The following CCSER1 variants were observed in gnomAD, a reference collection of about 807,000 sequenced individuals.
CCSER1 encodes the protein serine-rich coiled-coil domain-containing protein 1.
CCSER1 carries 41 observed loss-of-function variants against 82.0 expected under a neutral mutation model. The observed-to-expected ratio is 0.50, with a 90% CI of 0.39 to 0.65. The LOEUF is 0.65. Ranked by LOEUF, CCSER1 falls within the 30% of genes least tolerant of loss-of-function variation. The pLI is 0.00. For synonymous variants in CCSER1, 414 were observed against 383.9 expected, an observed-to-expected ratio of 1.08 and a Z score of -0.92; for missense variants, 1,119 against 1,064.2, an observed-to-expected ratio of 1.05 and a Z score of -0.72.
chr4:90,208,288 C>T (rs2153412157), intron 1 of CCSER1, among the ~76,000 whole-genome samples: 1 of 152,316 alleles, frequency 6.6e-6, no homozygotes, highest in East Asian at 1.9e-4. Context: ...TTCCCAGCAG[C>T]TTTGTTTATG....
Position 91,101,590 on chromosome 4 carries a change from G to A in CCSER1, c.2217+15596G>A, listed in dbSNP as rs187046058. Among the ~76,000 whole-genome samples, 362 of 151,190 alleles carry A rather than the reference G, an allele frequency of 2.4e-3. 2 individuals are homozygous for A. The highest frequency in any genetic ancestry group is 8.5e-3 in the African/African-American group (348 of 41,176). ...GCGGAGGTTGCAGTGAGCTGAGATC[G>A]TGCCACTGCACTCCAGCCTGGGGAC... is the stretch of plus-strand genomic sequence containing the variant. On this transcript the variant is annotated intron_variant, in intron 10 of 10. Transcript: ENST00000509176.
chr4:91,091,897 A>G (rs1467496646), intron 10 of CCSER1, among the ~76,000 whole-genome samples: 1 of 152,162 alleles, frequency 6.6e-6, no homozygotes, highest in African/African-American at 2.4e-5. Context: ...TCATTTACCC[A>G]AGTTGAGATT....
chr4:90,823,426 A>C (rs1403435334), intron 8 of CCSER1, among the ~76,000 whole-genome samples: 1 of 152,152 alleles, frequency 6.6e-6, no homozygotes, highest in Non-Finnish European at 1.5e-5. Context: ...ATCTTAAGTC[A>C]GAACCTTCCA....
intron 4 of CCSER1, among the ~76,000 whole-genome samples, chr4:90,442,187 G>A (rs1419655847): frequency 6.7e-6 from 1 of 149,254 alleles, no homozygotes; most frequent in Non-Finnish European, 1.5e-5. Flanking sequence ...ATTCTTAAGA[G>A]CTAAAATAAA....
intron 1 of CCSER1, among the ~76,000 whole-genome samples, chr4:90,257,602 G>C (rs72877769): frequency 0.045 from 6,806 of 151,710 alleles, 396 homozygotes; most frequent in African/African-American, 0.13. Flanking sequence ...GATAGATAAA[G>C]AAGGAGAGAG....
chr4:90,960,666 A>C (rs1406494906), intron 9 of CCSER1, among the ~76,000 whole-genome samples: 1 of 152,134 alleles, frequency 6.6e-6, no homozygotes, highest in Admixed American at 6.6e-5. Flanking sequence ...TTCGGTATGA[A>C]AGCTACACTT....
chr4:91,232,787 C>A (rs537088073), intron 10 of CCSER1, among the ~76,000 whole-genome samples: 137 of 151,738 alleles, frequency 9.0e-4, no homozygotes, highest in African/African-American at 3.0e-3. Flanking sequence ...TATCTGAGCA[C>A]TTGTCCTTTT....
chr4:90,503,643 A>G (rs1216625001), intron 5 of CCSER1, among the ~76,000 whole-genome samples: 3 of 151,996 alleles, frequency 2.0e-5, no homozygotes, highest in African/African-American at 7.2e-5. Context: ...ATTCCCACCT[A>G]TGAGTGAGAA....
At chr4:90,229,087 C>T (rs1176070074) in intron 1 of CCSER1, among the ~76,000 whole-genome samples, 1 of 152,170 alleles carries the variant, frequency 6.6e-6, no homozygotes, top group Non-Finnish European at 1.5e-5. Flanking sequence ...TCTAGCAAGG[C>T]AGGCCAACAT....
intron 4 of CCSER1, among the ~76,000 whole-genome samples, chr4:90,422,848 A>C (rs951690036): frequency 1.3e-5 from 2 of 151,950 alleles, no homozygotes; most frequent in African/African-American, 2.4e-5. Flanking sequence ...AATATTTTCA[A>C]ACTTTGTCCC....
At position 91,114,013 on chromosome 4, in the gene CCSER1, C is replaced by T. The variant is rs186844206; in HGVS notation, c.2217+28019C>T. On this transcript the variant is annotated intron_variant, in intron 10 of 10. Transcript: ENST00000509176. Reference sequence around the variant, plus strand: ...GACCACAGGCGCCCACTACCACGCCCGGCTAATTTTTTGTATTTTTAGTAG... The same window carrying T: ...GACCACAGGCGCCCACTACCACGCCTGGCTAATTTTTTGTATTTTTAGTAG... Among the ~76,000 whole-genome samples the T allele has an allele frequency of 1.1e-3, 169 of 152,156 alleles. 2 individuals are homozygous for T. Among genetic ancestry groups the T allele is most frequent in the African/African-American group, 3.7e-3 (155 of 41,532 alleles).
In CCSER1 at chr4:91,202,726, C is replaced by T. The variant is rs940482843; in HGVS notation, c.2217+116732C>T. On this transcript the variant is annotated intron_variant, in intron 10 of 10. Transcript: ENST00000509176. ...GAAATTGAGAGTATGTTAAATAATA[C>T]AAACACACACACATATATGCACGTA... Among the ~76,000 whole-genome samples, 4 of 23,752 alleles carry T rather than the reference C, an allele frequency of 1.7e-4. No individual in the cohort carries two copies. The South Asian group carries it at 4.7e-3, about 28-fold the overall frequency. 15.6% of individuals were successfully genotyped at this position (23,752 alleles called of 152,430 possible).
chr4:91,533,748 T>C (rs1761151937), intron 10 of CCSER1, among the ~76,000 whole-genome samples: 1 of 151,936 alleles, frequency 6.6e-6, no homozygotes, highest in Admixed American at 6.6e-5. Context: ...TTAAGCTTCT[T>C]TGTAAGCTCA....
chr4:91,436,640 G>C (rs992157144), intron 10 of CCSER1, among the ~76,000 whole-genome samples: 11 of 152,162 alleles, frequency 7.2e-5, no homozygotes, highest in African/African-American at 2.4e-4. Context: ...ATGAGAAAAT[G>C]AGACTTAGAC....
rs1047135010 is a variant in CCSER1, at chr4:90,673,081, T to TA, written c.1932+44851dup. Among the ~76,000 whole-genome samples, 59 of 151,934 alleles carry TA rather than the reference T, an allele frequency of 3.9e-4. 1 individual carries two copies. The highest frequency in any genetic ancestry group is 1.3e-3 in the African/African-American group (53 of 41,402). On this transcript the variant is annotated intron_variant, in intron 6 of 10. Transcript: ENST00000509176. ...TGACACAGAAACACAAAAGTGAGCA[T>TA]AAGTTATTGGAAAAATGGCCCCAAT...
chr4:90,200,506 A>C (rs1460604137), intron 1 of CCSER1, among the ~76,000 whole-genome samples: 1 of 152,036 alleles, frequency 6.6e-6, no homozygotes, highest in Non-Finnish European at 1.5e-5. Context: ...AACCCAGCAA[A>C]GCCCTCTTTG....
At chr4:90,980,169 G>A (rs956806520) in intron 9 of CCSER1, among the ~76,000 whole-genome samples, 27 of 151,794 alleles carry the variant, frequency 1.8e-4, no homozygotes, top group African/African-American at 6.3e-4. Flanking sequence ...CTTAGGAGCT[G>A]CACTAGCAAC....
intron 6 of CCSER1, among the ~76,000 whole-genome samples, chr4:90,711,616 T>G (rs1350970530): frequency 6.6e-6 from 1 of 152,124 alleles, no homozygotes; most frequent in Non-Finnish European, 1.5e-5. Flanking sequence ...TTGTTCTGTT[T>G]ATGTGTCAAA....
intron 7 of CCSER1, among the ~76,000 whole-genome samples, chr4:90,756,154 G>A (rs1255674475): frequency 6.6e-6 from 1 of 152,102 alleles, no homozygotes; most frequent in Non-Finnish European, 1.5e-5. Context: ...CTTGAATCCG[G>A]GAGACAGAGA....
Sources: gnomAD v4.1 joint callset for allele counts (sites outside exome capture counted in the v4.1 genomes callset) on GRCh38, gnomAD v4.1.1 for gene constraint, MANE v1.5 for transcripts, NCBI Gene and HGNC (gene_info 2026-07-23, HGNC 2026-07-21) for gene names.